ZFHX3: variants seen among roughly 807,000 people sequenced by gnomAD.
The protein encoded by ZFHX3 is zinc finger homeobox 3.
A neutral mutation model predicts 279.1 loss-of-function variants in ZFHX3; 42 were observed. That is an observed-to-expected ratio of 0.15 (90% CI 0.12 to 0.19). ZFHX3 has a LOEUF of 0.19. Among genes scored for constraint, ZFHX3 ranks in the 10% least tolerant of loss-of-function variants. ZFHX3 has a pLI of 1.00. For synonymous variants in ZFHX3, 2,293 were observed against 1,957.8 expected, an observed-to-expected ratio of 1.17 and a Z score of -4.52; for missense variants, 4,981 against 4,754.0, an observed-to-expected ratio of 1.05 and a Z score of -1.40.
chr16:72,839,980 G>A (rs956328987), intron 4 of ZFHX3, among the ~76,000 whole-genome samples: 2 of 152,206 alleles, frequency 1.3e-5, no homozygotes, highest in Non-Finnish European at 2.9e-5. Context: ...TCCATGCTGG[G>A]AGGGGAGAAG....
At chr16:72,826,351 T>C (rs887911224) in intron 5 of ZFHX3, among the ~76,000 whole-genome samples, 1 of 152,282 alleles carries the variant, frequency 6.6e-6, no homozygotes, top group South Asian at 2.1e-4. Context: ...CCATCTGAAA[T>C]ATTATTAATC....
intron 2 of ZFHX3, among the ~76,000 whole-genome samples, chr16:73,664,017 T>C (rs969134749): frequency 1.3e-5 from 2 of 152,182 alleles, no homozygotes; most frequent in South Asian, 2.1e-4. Flanking sequence ...CAGACTTTTC[T>C]CTAGATAGAC....
At chr16:72,932,179 G>C (rs1189062010) in intron 3 of ZFHX3, among the ~76,000 whole-genome samples, 1 of 152,106 alleles carries the variant, frequency 6.6e-6, no homozygotes, top group African/African-American at 2.4e-5. Context: ...GGTCACATAA[G>C]GGAAATACAT....
intron 1 of ZFHX3, among the ~76,000 whole-genome samples, chr16:72,985,679 C>G (rs532357681): frequency 6.6e-6 from 1 of 152,286 alleles, no homozygotes; most frequent in African/African-American, 2.4e-5. Context: ...TCCAGATTCC[C>G]TGGTTAAAAC....
At chr16:72,848,663 G>A (rs971863528) in intron 4 of ZFHX3, among the ~76,000 whole-genome samples, 1 of 98,686 alleles carries the variant, frequency 1.0e-5, no homozygotes, top group Non-Finnish European at 2.0e-5. Flanking sequence ...TATGCCACTG[G>A]AACACCTCCT....
At chr16:73,005,844 T>A (rs1963686012) in intron 1 of ZFHX3, 1 of 152,206 alleles carries the variant, frequency 6.6e-6, no homozygotes, top group African/African-American at 2.4e-5. Flanking sequence ...TCTGAAGCGT[T>A]ATGTGAGCTG....
intron 4 of ZFHX3, among the ~76,000 whole-genome samples, chr16:73,300,618 C>T (rs2015031642): frequency 6.6e-6 from 1 of 152,190 alleles, no homozygotes; most frequent in South Asian, 2.1e-4. Flanking sequence ...ATGCTCATGC[C>T]TCAGCCTCCC....
At chr16:72,842,039 A>C (rs1009230423) in intron 4 of ZFHX3, among the ~76,000 whole-genome samples, 6 of 152,170 alleles carry the variant, frequency 3.9e-5, no homozygotes, top group Non-Finnish European at 5.9e-5. Context: ...CACAGAAATA[A>C]GGGATCTATA....
intron 3 of ZFHX3, among the ~76,000 whole-genome samples, chr16:72,908,567 T>C (rs1329341850): frequency 2.0e-5 from 3 of 152,204 alleles, no homozygotes; most frequent in Non-Finnish European, 4.4e-5. Context: ...AATGAAATCA[T>C]TGGGTTTTTC....
chr16:73,725,145 T>C (rs2053507232), intron 1 of ZFHX3, among the ~76,000 whole-genome samples: 1 of 152,180 alleles, frequency 6.6e-6, no homozygotes, highest in Admixed American at 6.5e-5. Context: ...AAACATCTGG[T>C]CAATCAAATT....
chr16:73,211,844 AG>A (rs1400659785), intron 5 of ZFHX3, among the ~76,000 whole-genome samples: 1 of 151,836 alleles, frequency 6.6e-6, no homozygotes, highest in Non-Finnish European at 1.5e-5. Flanking sequence ...AATGGCAGGG[AG>A]GGGGGTGGCA....
chr16:73,152,961 T>C (rs771656165), intron 5 of ZFHX3, among the ~76,000 whole-genome samples: 1 of 152,050 alleles, frequency 6.6e-6, no homozygotes, highest in Admixed American at 6.6e-5. Flanking sequence ...ACAAGTGAAA[T>C]GCAGTTGCTG....
At chr16:73,631,902 C>A (rs1200754472) in intron 2 of ZFHX3, among the ~76,000 whole-genome samples, 5 of 102,108 alleles carry the variant, frequency 4.9e-5, no homozygotes, top group African/African-American at 1.8e-4. Context: ...GTGGGATTCT[C>A]TCTCTCTCTC....
chr16:73,303,963 G>GGA lies in ZFHX3; in HGVS notation c.-1194+14276_-1194+14277insTC, dbSNP rs781722281. Among the ~76,000 whole-genome samples the GGA allele has an allele frequency of 1.6e-3, 118 of 76,106 alleles. 1 individual carries two copies. Among genetic ancestry groups the GGA allele is most frequent in the Non-Finnish European group, 1.7e-3 (65 of 37,622 alleles). 49.9% of individuals were successfully genotyped at this position (76,106 alleles called of 152,430 possible). ...GATGGAGGTTCAAAAACCCTAGGTG[G>GGA]AAAAAAAAAAAAAAAAAAAAAAAAA... On this transcript the variant is annotated intron_variant, in intron 4 of 17. Coordinates refer to the ZFHX3 transcript ENST00000641206.
Position 72,795,290 on chromosome 16 carries a change from G to C in ZFHX3, c.7392C>G (p.Thr2464=), listed in dbSNP as rs1004374282. 3 of 1,613,714 alleles carry C rather than the reference G, an allele frequency of 1.9e-6. No individual in the cohort carries two copies. The highest frequency in any genetic ancestry group is 2.5e-6 in the Non-Finnish European group (3 of 1,179,940). Residue 2464 remains threonine, a synonymous_variant, in exon 9 of 10, where the codon ACC becomes ACG. Transcript: ENST00000268489. ...LQQQEQPEQK[T]NTPQQKLPQL... ...GGGGGAGCTTCTGCTGGGGAGTGTT[G>C]GTCTTCTGCTCGGGCTGCTCTTGCT...
chr16:73,809,721 G>A (rs551430016), intron 1 of ZFHX3: 1 of 152,236 alleles, frequency 6.6e-6, no homozygotes, highest in African/African-American at 2.4e-5. Flanking sequence ...AATAAACGGA[G>A]GGGATTTTTA....
At chr16:72,929,723 C>T (rs150123843) in intron 3 of ZFHX3, among the ~76,000 whole-genome samples, 2 of 152,300 alleles carry the variant, frequency 1.3e-5, no homozygotes, top group East Asian at 3.9e-4. Flanking sequence ...TCTCTTCTAC[C>T]TCATTAACCG....
At chr16:73,578,395 AAC>A (rs1555525790) in intron 2 of ZFHX3, among the ~76,000 whole-genome samples, 1 of 151,974 alleles carries the variant, frequency 6.6e-6, no homozygotes. Flanking sequence ...AAAAAAAAAA[AAC>A]AAAGGGAAGG....
rs992411053 is a variant in ZFHX3 at position 73,848,685 on chromosome 16, C to G, written c.-1608+42966G>C. 2.6e-5 allele frequency among the ~76,000 whole-genome samples: 4 copies of G among 152,194 alleles called. No individual in the cohort carries two copies. In the South Asian group the frequency reaches 8.3e-4, roughly 32 times the overall value. ...TAGATACCATCTAATCAAATCACCT[C>G]CTCAATGCATTCATTCTGTGATAAC... On this transcript the variant is annotated intron_variant, in intron 1 of 17. Transcript: ENST00000641206.
Sources: gnomAD v4.1 joint callset for allele counts (sites outside exome capture counted in the v4.1 genomes callset) on GRCh38, gnomAD v4.1.1 for gene constraint, MANE v1.5 for transcripts, NCBI Gene and HGNC (gene_info 2026-07-23, HGNC 2026-07-21) for gene names.